Variants in AP3D1 observed in about 807,000 individuals in gnomAD.
The protein encoded by AP3D1 is AP-3 complex subunit delta-1.
AP3D1 carries 51 observed loss-of-function variants against 147.6 expected under a neutral mutation model. The ratio of observed to expected loss-of-function variants is 0.35; its 90% confidence interval spans 0.28 to 0.44. The LOEUF is 0.44. Among genes scored for constraint, AP3D1 ranks in the 20% least tolerant of loss-of-function variants. The pLI is 1.00. For missense variants in AP3D1, 1,421 were observed against 1,624.2 expected (o/e 0.87, Z 2.15); for synonymous variants, 760 against 663.0 (o/e 1.15, Z -2.25).
chr19:2,112,706 C>G (rs2018318776), intron 24 of AP3D1, 154 bp downstream of exon 24: 6 of 574,264 alleles, frequency 1.0e-5, no homozygotes, highest in South Asian at 4.5e-5. Context: ...AAACACAAGA[C>G]CACAACCACA....
intron 18 of AP3D1, among the ~76,000 whole-genome samples, chr19:2,115,822 C>G (rs371557692): frequency 6.6e-6 from 1 of 152,248 alleles, no homozygotes; most frequent in Non-Finnish European, 1.5e-5. Flanking sequence ...GCTTGTCACA[C>G]GAGTGACCCC....
At chr19:2,110,305 C>T in intron 27 of AP3D1, 81 bp from the exon 28 acceptor site, 2 of 1,200,452 alleles carry the variant, frequency 1.7e-6, no homozygotes, top group South Asian at 1.2e-5. Flanking sequence ...GTCCTCAGTC[C>T]CAAGTCCTCT....
intron 25 of AP3D1, 125 bp downstream of exon 25, chr19:2,111,554 C>T (rs1030975806): frequency 1.1e-5 from 15 of 1,349,824 alleles, no homozygotes; most frequent in African/African-American, 1.0e-4. Context: ...CCCCTGCCCC[C>T]GCCAGGCTCG....
intron 14 of AP3D1, among the ~76,000 whole-genome samples, chr19:2,120,549 C>G (rs1181239601): frequency 6.6e-6 from 1 of 152,176 alleles, no homozygotes; most frequent in Non-Finnish European, 1.5e-5. Context: ...CCAGGGCCAG[C>G]CCCCCGTCTG....
chr19:2,144,298 G>C (rs748731928), intron 1 of AP3D1, among the ~76,000 whole-genome samples: 1 of 152,142 alleles, frequency 6.6e-6, no homozygotes, highest in African/African-American at 2.4e-5. Flanking sequence ...AACAGCCCGG[G>C]ACACCGTCCT....
chr19:2,116,060 C>T, intron 18 of AP3D1, 147 bp downstream of exon 18: 1 of 771,502 alleles, frequency 1.3e-6, no homozygotes, highest in Non-Finnish European at 2.0e-6. Flanking sequence ...GGCGCCTGCC[C>T]CTCAAAGGCT....
intron 24 of AP3D1, chr19:2,112,434 C>G (rs1363539378): frequency 4.0e-5 from 7 of 175,022 alleles, no homozygotes. Context: ...GGTGTATGAC[C>G]CCATTTCTAT....
chr19:2,132,660 C>T (rs949052575), intron 4 of AP3D1, 82 bp from the exon 5 acceptor site: 72 of 1,208,264 alleles, frequency 6.0e-5, no homozygotes, highest in Admixed American at 5.5e-4. Flanking sequence ...GCAGCAGGAG[C>T]GAAATTCTCC....
At chr19:2,153,398 G>C (rs1411549717), upstream of AP3D1, among the ~76,000 whole-genome samples, 1 of 149,248 alleles carries the variant, frequency 6.7e-6, no homozygotes, top group Non-Finnish European at 1.5e-5. Context: ...GGGGGGGACC[G>C]GGCACAGCGG....
At chr19:2,161,267 T>C (rs1320624715) in intron 1 of AP3D1, among the ~76,000 whole-genome samples, 1 of 149,638 alleles carries the variant, frequency 6.7e-6, no homozygotes, top group Non-Finnish European at 1.5e-5. Context: ...GTTCAAGCCA[T>C]TCTGTTGCCT....
intron 4 of AP3D1, among the ~76,000 whole-genome samples, chr19:2,135,244 A>C (rs1225472954): frequency 6.6e-6 from 1 of 151,784 alleles, no homozygotes; most frequent in East Asian, 1.9e-4. Context: ...TAAAATAAAA[A>C]ACAAAATGAG....
At chr19:2,126,367 T>G (rs2018755040) in intron 9 of AP3D1, among the ~76,000 whole-genome samples, 1 of 151,772 alleles carries the variant, frequency 6.6e-6, no homozygotes, top group African/African-American at 2.4e-5. Flanking sequence ...TAGAAAATAT[T>G]TTTGTGGGCC....
chr19:2,138,937 G>A (rs1005886247), intron 1 of AP3D1, among the ~76,000 whole-genome samples: 10 of 151,734 alleles, frequency 6.6e-5, no homozygotes, highest in Admixed American at 1.3e-4. Context: ...GCGGGCGCCT[G>A]TAATCCCAGC....
chr19:2,116,346 C>G, intron 17 of AP3D1, 68 bp from the exon 18 acceptor site: 2 of 1,501,260 alleles, frequency 1.3e-6, no homozygotes, highest in South Asian at 2.4e-5. Context: ...ACGTCCACCA[C>G]CAGCCACCCA....
At chr19:2,126,332 G>A (rs1469766829) in intron 9 of AP3D1, among the ~76,000 whole-genome samples, 4 of 152,158 alleles carry the variant, frequency 2.6e-5, no homozygotes, top group Non-Finnish European at 5.9e-5. Context: ...TGGCCCAGCC[G>A]GAGGTGTGGA....
At chr19:2,114,726 C>T (rs763092161) in intron 21 of AP3D1, 22 bp downstream of exon 21, 1 of 1,607,266 alleles carries the variant, frequency 6.2e-7, no homozygotes, top group Non-Finnish European at 8.5e-7. Flanking sequence ...TCCACCCTCA[C>T]CCTGAACCCA....
At chr19:2,143,903 C>G (rs1248765177) in intron 1 of AP3D1, among the ~76,000 whole-genome samples, 1 of 152,096 alleles carries the variant, frequency 6.6e-6, no homozygotes, top group East Asian at 1.9e-4. Context: ...GTCTGACCAA[C>G]GTGGAGAAAC....
At position 2,116,284 on chromosome 19, in the gene AP3D1, G is replaced by A. The variant is rs773381806; in HGVS notation, c.2002-6C>T. 13 of 1,613,582 alleles carry A rather than the reference G, an allele frequency of 8.1e-6. No homozygotes were observed. The highest frequency in any genetic ancestry group is 1.7e-5 in the Admixed American group (1 of 59,976). ...TGCTTCCGGGCCTCTCGGCGCTGTG[G>A]GACACAGCTTGGCATGAGCCCGAGA... On this transcript the variant is annotated splice_region_variant and splice_polypyrimidine_tract_variant and intron_variant, in intron 17 of 31. Coordinates refer to ENST00000643116, the MANE Select transcript of AP3D1 (RefSeq NM_001261826.3).
chr19:2,115,764 C>T (rs555614235), intron 18 of AP3D1, 151 bp from the exon 19 acceptor site: 14 of 783,552 alleles, frequency 1.8e-5, no homozygotes, highest in South Asian at 5.5e-5. Context: ...GCGCCGTGAG[C>T]GAGCGCATCC....
Sources: gnomAD v4.1 joint callset for allele counts (sites outside exome capture counted in the v4.1 genomes callset) on GRCh38, gnomAD v4.1.1 for gene constraint, MANE v1.5 for transcripts, NCBI Gene and HGNC (gene_info 2026-07-23, HGNC 2026-07-21) for gene names.